Variants in LIPJ observed in about 807,000 individuals in gnomAD.
LIPJ encodes lipase family member J, also known as lipase member J.
In LIPJ, 33 loss-of-function variants were observed where a neutral mutation model predicts 39.8. The ratio of observed to expected loss-of-function variants is 0.83; its 90% CI spans 0.63 to 1.11. LIPJ has a LOEUF of 1.11. Ranked by LOEUF, LIPJ falls within the 50% of genes least tolerant of loss-of-function variation. The pLI, the probability that LIPJ is intolerant of heterozygous loss-of-function variation, is 0.00. For missense variants in LIPJ, 422 were observed against 427.9 expected, an observed-to-expected ratio of 0.99 and a Z score of 0.12; for synonymous variants, 128 against 139.2, an observed-to-expected ratio of 0.92 and a Z score of 0.57.
chr10:88,613,814 GTGTA>G, the LIPJ span, among the ~76,000 whole-genome samples: 42 of 38,238 alleles, frequency 1.1e-3, no homozygotes, highest in African/African-American at 4.0e-3. Context: ...GTGTGTGTGT[GTGTA>G]TATATATATA....
intron 8 of LIPJ, among the ~76,000 whole-genome samples, chr10:88,598,758 G>A (rs1219330643): frequency 1.3e-5 from 2 of 151,730 alleles, no homozygotes; most frequent in East Asian, 1.9e-4. Context: ...CTACATTAAG[G>A]TAAACAGTAG....
rs755292497 is a variant in LIPJ, at chr10:88,594,650, T to G, written c.330-17T>G. On this transcript the variant is annotated splice_polypyrimidine_tract_variant and intron_variant, in intron 5 of 10. Transcript: ENST00000371939. ...TTAGTAGAAAGTGCTATTTTTATTT[T>G]CCTCTTTCTTTTGTAGTTTTGATGA... is the stretch of plus-strand genomic sequence containing the variant. 1.6e-6 allele frequency: 2 copies of G among 1,289,010 alleles called. No individual in the cohort carries two copies. Among genetic ancestry groups the G allele is most frequent in the South Asian group, 3.0e-5 (2 of 67,136 alleles). 79.8% of individuals were successfully genotyped at this position (1,289,010 alleles called of 1,614,324 possible). A position where few individuals can be genotyped will look rare whatever the true frequency, so the allele number is the denominator to read the frequency against.
chr10:88,583,154 C>G, upstream of LIPJ: 7 of 1,614,062 alleles, frequency 4.3e-6, no homozygotes, highest in South Asian at 7.7e-5. Context: ...CACAAGCTTC[C>G]TGTCATCCCG....
At chr10:88,601,978 G>C (rs1202761157) in intron 8 of LIPJ, among the ~76,000 whole-genome samples, 1 of 152,112 alleles carries the variant, frequency 6.6e-6, no homozygotes, top group Non-Finnish European at 1.5e-5. Context: ...GAACTATCTA[G>C]GCAATGCAAA....
intron 7 of LIPJ, 65 bp downstream of exon 7, chr10:88,596,481 G>C: frequency 7.1e-7 from 1 of 1,408,376 alleles, no homozygotes; most frequent in Non-Finnish European, 9.4e-7. Context: ...TTTCAAATAA[G>C]AGATCTTGAC....
At chr10:88,594,689 G>T in exon 6 of LIPJ, 2 of 1,534,826 alleles carry the variant, frequency 1.3e-6, no homozygotes, top group South Asian at 2.7e-5. Flanking sequence ...GGCAAAATAT[G>T]ACCTTCCAGC....
intron 4 of LIPJ, 139 bp downstream of exon 4, chr10:88,591,637 CTACAA>C: frequency 1.6e-6 from 1 of 639,938 alleles, no homozygotes; most frequent in Non-Finnish European, 2.5e-6. Flanking sequence ...TTCTCGCATG[CTACAA>C]GAAGAGTCAC....
Position 88,605,720 on chromosome 10 carries a change from T to C in LIPJ, c.867+16T>C, listed in dbSNP as rs780041727. ...TTATAATCAGGTACATAATTCTCTATAAAAACTCTCTACCTTACTGACTTT... is the reference window on the plus strand; with the variant it reads ...TTATAATCAGGTACATAATTCTCTACAAAAACTCTCTACCTTACTGACTTT... On this transcript the variant is annotated intron_variant, in intron 10 of 10. Transcript: ENST00000371939. 1.4e-5 allele frequency: 21 copies of C among 1,552,434 alleles called. No homozygotes were observed. The highest frequency in any genetic ancestry group is 8.1e-5 in the African/African-American group (6 of 73,688).
At chr10:88,599,601 A>T (rs1051197674) in intron 8 of LIPJ, among the ~76,000 whole-genome samples, 2 of 151,754 alleles carry the variant, frequency 1.3e-5, no homozygotes, top group Non-Finnish European at 2.9e-5. Flanking sequence ...CAAATGGCAG[A>T]ATTTTTTCTT....
chr10:88,590,945 A>G (rs1402304086), intron 3 of LIPJ, among the ~76,000 whole-genome samples: 2 of 151,832 alleles, frequency 1.3e-5, no homozygotes, highest in African/African-American at 4.8e-5. Context: ...ATGAATATAT[A>G]TCTCCTTCTC....
At chr10:88,595,018 GT>G (rs1851209122) in intron 6 of LIPJ, among the ~76,000 whole-genome samples, 1 of 151,708 alleles carries the variant, frequency 6.6e-6, no homozygotes, top group South Asian at 2.1e-4. Context: ...GTTTCAAATT[GT>G]ATAAAAGTTG....
chr10:88,594,773 ATTGG>A lies in LIPJ; in HGVS notation c.438_439+2del. 7.2e-7 allele frequency: 1 copy of A among 1,389,952 alleles called. No homozygotes were observed. The highest frequency in any genetic ancestry group is 9.8e-7 in the Non-Finnish European group (1 of 1,017,918). 86.1% of individuals were successfully genotyped at this position (1,389,952 alleles called of 1,614,324 possible). A position where few individuals can be genotyped will look rare whatever the true frequency, so the allele number is the denominator to read the frequency against. On this transcript the variant is annotated splice_donor_variant and coding_sequence_variant, in exon 6 of 11. Transcript: ENST00000371939. LOFTEE classifies it high-confidence loss of function. ...TGTAGGCCATTCACAGGGTACTACT[ATTGG>A]TATGCCAAGAAAGATTATTGCTAAT... is the stretch of plus-strand genomic sequence containing the variant.
intron 2 of LIPJ, among the ~76,000 whole-genome samples, chr10:88,590,317 A>G (rs1158382379): frequency 6.6e-6 from 1 of 151,860 alleles, no homozygotes; most frequent in Non-Finnish European, 1.5e-5. Flanking sequence ...GTGCAATACT[A>G]CAATGGAGAC....
intron 8 of LIPJ, among the ~76,000 whole-genome samples, chr10:88,599,473 C>T (rs1851388907): frequency 6.6e-6 from 1 of 151,942 alleles, no homozygotes; most frequent in Admixed American, 6.6e-5. Flanking sequence ...TATGAGCTCA[C>T]TCTTTTATTT....
At chr10:88,598,822 T>G (rs1172830932) in intron 8 of LIPJ, among the ~76,000 whole-genome samples, 1 of 151,574 alleles carries the variant, frequency 6.6e-6, no homozygotes, top group Non-Finnish European at 1.5e-5. Context: ...AGCATTATAT[T>G]GGAGCTTATT....
chr10:88,605,536 C>G (rs776855549), intron 9 of LIPJ, 97 bp from the exon 10 acceptor site: 41 of 787,696 alleles, frequency 5.2e-5, no homozygotes, highest in Non-Finnish European at 7.3e-5. Context: ...CCAGCAGACC[C>G]AGTACAATGG....
downstream of LIPJ, among the ~76,000 whole-genome samples, chr10:88,609,564 A>G (rs1851725085): frequency 6.6e-6 from 1 of 152,188 alleles, no homozygotes; most frequent in Non-Finnish European, 1.5e-5. Context: ...ATCTGATTGC[A>G]GACAATGGAA....
At chr10:88,608,175 C>T (rs1313209002), downstream of LIPJ, among the ~76,000 whole-genome samples, 1 of 152,202 alleles carries the variant, frequency 6.6e-6, no homozygotes, top group African/African-American at 2.4e-5. Flanking sequence ...CTAGCTATCT[C>T]CTCAAAGTGG....
At chr10:88,586,017 TA>T (rs1850901172), upstream of LIPJ, among the ~76,000 whole-genome samples, 1 of 152,248 alleles carries the variant, frequency 6.6e-6, no homozygotes, top group Non-Finnish European at 1.5e-5. Context: ...ATTTTCCACT[TA>T]TCTATGGCAG....
Sources: allele counts gnomAD v4.1 joint callset (sites outside exome capture counted in the v4.1 genomes callset), GRCh38; gene constraint gnomAD v4.1.1; transcripts MANE v1.5; gene names NCBI Gene and HGNC (gene_info 2026-07-23, HGNC 2026-07-21).